The following PRKD1 variants were observed in gnomAD, a reference collection of about 807,000 sequenced individuals.
PRKD1 encodes protein kinase D1.
A neutral mutation model predicts 95.9 loss-of-function variants in PRKD1; 63 were observed. That is an observed-to-expected ratio of 0.66 (90% confidence interval 0.54 to 0.81). The LOEUF is 0.81. Ranked by LOEUF, PRKD1 falls within the 30% of genes least tolerant of loss-of-function variation. PRKD1 has a pLI of 0.00. For missense variants in PRKD1, 1,048 were observed against 1,165.3 expected (o/e 0.90, Z 1.47); for synonymous variants, 425 against 423.1 (o/e 1.00, Z -0.05).
At chr14:29,826,449 TATATATGATGGAATATATATAC>T (rs1891118564) in intron 1 of PRKD1, among the ~76,000 whole-genome samples, 1 of 77,216 alleles carries the variant, frequency 1.3e-5, no homozygotes. Flanking sequence ...TATATATACA[TATATATGATGGAATATATATAC>T]ATATATATGA....
chr14:29,837,570 A>T (rs1215608062), intron 1 of PRKD1, among the ~76,000 whole-genome samples: 3 of 152,210 alleles, frequency 2.0e-5, no homozygotes, highest in Non-Finnish European at 4.4e-5. Context: ...AGTAGCATTA[A>T]AGATTTATAT....
chr14:29,898,634 A>G (rs1192740904), intron 1 of PRKD1, among the ~76,000 whole-genome samples: 1 of 152,160 alleles, frequency 6.6e-6, no homozygotes, highest in African/African-American at 2.4e-5. Context: ...TTCAAACACC[A>G]CTAGATTGAT....
intron 2 of PRKD1, among the ~76,000 whole-genome samples, chr14:29,716,608 G>C (rs1241902430): frequency 6.6e-6 from 1 of 152,166 alleles, no homozygotes; most frequent in Non-Finnish European, 1.5e-5. Flanking sequence ...ATGAAACACA[G>C]AGGCTCCAGA....
chr14:29,913,858 G>C (rs1225259519), intron 1 of PRKD1, among the ~76,000 whole-genome samples: 1 of 152,204 alleles, frequency 6.6e-6, no homozygotes. Flanking sequence ...TTGACTAACA[G>C]ATATCTAGTA....
At chr14:29,740,863 T>C (rs1886951585) in intron 1 of PRKD1, among the ~76,000 whole-genome samples, 2 of 152,144 alleles carry the variant, frequency 1.3e-5, no homozygotes, top group African/African-American at 4.8e-5. Flanking sequence ...TAAATGCCCA[T>C]CTATGACAGA....
intron 4 of PRKD1, among the ~76,000 whole-genome samples, chr14:29,642,223 A>G (rs1880830541): frequency 6.6e-6 from 1 of 150,936 alleles, no homozygotes; most frequent in South Asian, 2.1e-4. Flanking sequence ...ATTTCTAATG[A>G]TGTGATCACA....
At chr14:29,905,045 C>T (rs562081790) in intron 1 of PRKD1, among the ~76,000 whole-genome samples, 8 of 152,148 alleles carry the variant, frequency 5.3e-5, no homozygotes, top group Non-Finnish European at 5.9e-5. Context: ...TACACCACAA[C>T]GGGAATTACT....
At chr14:29,676,177 G>GGTTTTTTTTTTTTTTTTTTTTT (rs1555334424) in intron 2 of PRKD1, among the ~76,000 whole-genome samples, 3 of 104,762 alleles carry the variant, frequency 2.9e-5, no homozygotes, top group African/African-American at 1.3e-4. Context: ...AGTTCATTAC[G>GGTTTTTTTTTTTTTTTTTTTTT]TTTTTGTTTT....
intron 4 of PRKD1, among the ~76,000 whole-genome samples, chr14:29,654,565 G>C (rs1457087956): frequency 6.6e-6 from 1 of 152,072 alleles, no homozygotes; most frequent in Non-Finnish European, 1.5e-5. Flanking sequence ...ATTTAAAATG[G>C]AAACAGGAGG....
At chr14:29,636,044 C>CAAAAAAAAAA (rs10590081) in intron 7 of PRKD1, among the ~76,000 whole-genome samples, 1 of 143,096 alleles carries the variant, frequency 7.0e-6, no homozygotes. Context: ...CTCTCACATG[C>CAAAAAAAAAA]AAAAAAAAAA....
At chr14:29,824,687 C>A (rs1029588521) in intron 1 of PRKD1, among the ~76,000 whole-genome samples, 7 of 152,154 alleles carry the variant, frequency 4.6e-5, no homozygotes, top group African/African-American at 7.2e-5. Flanking sequence ...GAAATTCACT[C>A]ACTATACTGA....
chr14:29,927,670 G>C lies in PRKD1; in HGVS notation c.-158C>G, dbSNP rs1242520076. On this transcript the variant is annotated 5_prime_UTR_variant, in exon 1 of 18. Coordinates refer to ENST00000331968, the MANE Select transcript of PRKD1 (RefSeq NM_002742.3). ...AGTCCCTGGGCTGGGGGAGGGCAAG[G>C]GGATGAGGATCGGGAGGGGAGGGGA... 2.8e-6 allele frequency: 1 copy of C among 355,018 alleles called. No individual in the cohort carries two copies. Among genetic ancestry groups the C allele is most frequent in the African/African-American group, 2.2e-5 (1 of 45,466 alleles). 22.0% of individuals were successfully genotyped at this position (355,018 alleles called of 1,614,324 possible).
chr14:29,800,413 G>A (rs1889978270), intron 1 of PRKD1, among the ~76,000 whole-genome samples: 2 of 152,144 alleles, frequency 1.3e-5, no homozygotes, highest in African/African-American at 4.8e-5. Flanking sequence ...CTGTGTTCTA[G>A]ACCCTGGGGT....
chr14:29,871,637 G>A (rs942045043), intron 1 of PRKD1, among the ~76,000 whole-genome samples: 1 of 152,212 alleles, frequency 6.6e-6, no homozygotes, highest in Middle Eastern at 3.2e-3. Flanking sequence ...GCAAAGATCT[G>A]AGCAAAGCTG....
intron 1 of PRKD1, among the ~76,000 whole-genome samples, chr14:29,727,825 C>T: frequency 6.6e-6 from 1 of 151,360 alleles, no homozygotes; most frequent in Non-Finnish European, 1.5e-5. Flanking sequence ...GAATACTATG[C>T]AGCCATAAAA....
At chr14:29,759,436 A>G (rs1459526251) in intron 1 of PRKD1, among the ~76,000 whole-genome samples, 2 of 152,224 alleles carry the variant, frequency 1.3e-5, no homozygotes, top group Non-Finnish European at 2.9e-5. Flanking sequence ...GGCCATATTG[A>G]TAAATGTGCT....
chr14:29,826,798 TATAC>T (rs1891185821), intron 1 of PRKD1, among the ~76,000 whole-genome samples: 6 of 54,384 alleles, frequency 1.1e-4, no homozygotes, highest in Admixed American at 2.9e-4. Flanking sequence ...TACACATATA[TATAC>T]ACATATATAT....
chr14:29,876,917 C>T (rs775558428), intron 1 of PRKD1, among the ~76,000 whole-genome samples: 2 of 151,922 alleles, frequency 1.3e-5, no homozygotes, highest in African/African-American at 2.4e-5. Flanking sequence ...GTTGGGAGGC[C>T]GAGGCAGGAG....
chr14:29,896,922 C>T (rs1018912629), intron 1 of PRKD1, among the ~76,000 whole-genome samples: 1 of 151,810 alleles, frequency 6.6e-6, no homozygotes. Context: ...AATGTAAGTG[C>T]ATGTTCTCTA....
Sources: allele counts gnomAD v4.1 joint callset (sites outside exome capture counted in the v4.1 genomes callset), GRCh38; gene constraint gnomAD v4.1.1; transcripts MANE v1.5; gene names NCBI Gene and HGNC (gene_info 2026-07-23, HGNC 2026-07-21).